SLC12A8: variants seen among roughly 807,000 people sequenced by gnomAD.
The protein encoded by SLC12A8 is solute carrier family 12 member 8.
In SLC12A8, 69 loss-of-function variants were observed where a neutral mutation model predicts 75.6. The observed-to-expected ratio is 0.91, with a 90% CI of 0.75 to 1.11. SLC12A8 has a LOEUF of 1.11. Ranked by LOEUF, SLC12A8 falls within the 50% of genes most tolerant of loss-of-function variation. The pLI is 0.00. For synonymous variants in SLC12A8, 365 were observed against 372.8 expected, an observed-to-expected ratio of 0.98 and a Z score of 0.24; for missense variants, 877 against 896.7, an observed-to-expected ratio of 0.98 and a Z score of 0.28.
At chr3:125,119,772 A>T (rs193274139) in intron 7 of SLC12A8, 76 of 436,324 alleles carry the variant, frequency 1.7e-4, no homozygotes, top group African/African-American at 1.3e-3. Flanking sequence ...ATACATTAAT[A>T]TTTTCTAAAT....
intron 5 of SLC12A8, among the ~76,000 whole-genome samples, chr3:125,142,986 C>T (rs10804569): frequency 0.31 from 47,540 of 152,102 alleles, 7,732 homozygotes; most frequent in Middle Eastern, 0.39. Context: ...TACCACAGTT[C>T]CATATGTTAA....
intron 5 of SLC12A8, among the ~76,000 whole-genome samples, chr3:125,173,452 C>CAAAAAAAAAAAAAAAAAAAAAAAAAA (rs61001520): frequency 1.3e-5 from 1 of 79,628 alleles, no homozygotes; most frequent in Non-Finnish European, 2.2e-5. Flanking sequence ...ATTCATGAGC[C>CAAAAAAAAAAAAAAAAAAAAAAAAAA]AAAAAAAAAA....
chr3:125,097,564 G>C (rs959564251), intron 10 of SLC12A8, among the ~76,000 whole-genome samples: 1 of 105,212 alleles, frequency 9.5e-6, no homozygotes, highest in Non-Finnish European at 2.3e-5. Flanking sequence ...GTGTGTGTGT[G>C]TGTGTGTGTG....
At chr3:125,140,889 C>T (rs928615945) in intron 5 of SLC12A8, among the ~76,000 whole-genome samples, 16 of 152,074 alleles carry the variant, frequency 1.1e-4, no homozygotes, top group Admixed American at 6.6e-4. Context: ...CTAGCCTCCC[C>T]AGGGATTTCC....
chr3:125,106,116 G>A (rs532389699), intron 10 of SLC12A8, among the ~76,000 whole-genome samples: 34 of 152,218 alleles, frequency 2.2e-4, no homozygotes, highest in African/African-American at 7.9e-4. Context: ...GTTCAAAGTG[G>A]GATTTTCTGG....
Position 125,092,165 on chromosome 3 carries a change from T to G in SLC12A8, c.1739A>C (p.Asp580Ala). The G allele has an allele frequency of 6.2e-7, 1 of 1,612,992 alleles. No individual in the cohort carries two copies. The highest frequency in any genetic ancestry group is 1.1e-5 in the South Asian group (1 of 91,050). Residue 580 changes from aspartate (D) to alanine (A), a missense_variant, in exon 11 of 14, where the codon GAT (aspartate) becomes GCT (alanine). By Grantham distance (126) the Asp-to-Ala change is moderately radical. Transcript: ENST00000469902. ...GAAAGAAGTGGATCTTCTCCAGACA[T>G]CTTGTTCTTGGAGCCTGGACTTCAG... ...FFLKSRLQEQ[D>A]VWRRSTSFYT...
intron 6 of SLC12A8, among the ~76,000 whole-genome samples, chr3:125,128,323 G>A (rs1321085314): frequency 6.9e-6 from 1 of 145,752 alleles, no homozygotes; most frequent in East Asian, 2.0e-4. Context: ...TGGGACTACA[G>A]GCGCCCGCCA....
intron 1 of SLC12A8, 66 bp from the exon 2 acceptor site, chr3:125,211,460 TTC>T: frequency 1.2e-6 from 1 of 868,608 alleles, no homozygotes; most frequent in Non-Finnish European, 2.0e-6. Context: ...TGTCCATCCT[TTC>T]TCTCTACTAG....
intron 10 of SLC12A8, among the ~76,000 whole-genome samples, chr3:125,094,786 G>A (rs1938672178): frequency 6.6e-6 from 1 of 152,160 alleles, no homozygotes; most frequent in Admixed American, 6.5e-5. Context: ...CCACTCTTAT[G>A]ATTGTATCTA....
chr3:125,134,268 ATT>A (rs60991413), intron 6 of SLC12A8, among the ~76,000 whole-genome samples: 2 of 151,448 alleles, frequency 1.3e-5, no homozygotes, highest in South Asian at 2.1e-4. Flanking sequence ...TGCCAGGCTA[ATT>A]TTTTTTTATA....
intron 13 of SLC12A8, among the ~76,000 whole-genome samples, chr3:125,084,951 T>C (rs1938422359): frequency 6.6e-6 from 1 of 152,242 alleles, no homozygotes. Context: ...ATTGTTTGAA[T>C]ATGGAATACA....
At chr3:125,097,906 C>A (rs2788465) in intron 10 of SLC12A8, among the ~76,000 whole-genome samples, 1 of 151,970 alleles carries the variant, frequency 6.6e-6, no homozygotes, top group Admixed American at 6.6e-5. Flanking sequence ...CTTTATCAAG[C>A]CTCTACTCAT....
intron 10 of SLC12A8, among the ~76,000 whole-genome samples, chr3:125,100,756 G>A (rs555324648): frequency 2.0e-5 from 3 of 147,558 alleles, no homozygotes; most frequent in Non-Finnish European, 4.5e-5. Context: ...GCTCACGCCT[G>A]TAATCCCAGC....
At chr3:125,120,107 G>C (rs1367757017) in intron 7 of SLC12A8, among the ~76,000 whole-genome samples, 1 of 152,190 alleles carries the variant, frequency 6.6e-6, no homozygotes, top group Non-Finnish European at 1.5e-5. Context: ...AGCACATACA[G>C]TGTCATTATC....
At chr3:125,118,958 A>G in intron 7 of SLC12A8, 102 bp from the exon 8 acceptor site, 1 of 766,546 alleles carries the variant, frequency 1.3e-6, no homozygotes, top group Non-Finnish European at 2.2e-6. Flanking sequence ...AACTTGTATC[A>G]GAATGAGAGA....
chr3:125,208,947 T>C (rs6778311), intron 2 of SLC12A8, among the ~76,000 whole-genome samples: 74,356 of 151,872 alleles, frequency 0.49, 19,277 homozygotes, highest in African/African-American at 0.64. Flanking sequence ...CTAATCACCG[T>C]GACCAAGAGA....
In SLC12A8 at chr3:125,211,290, T is replaced by C. The variant is rs1935332602; in HGVS notation, c.51+9A>G. 2 of 1,612,738 alleles carry C rather than the reference T, an allele frequency of 1.2e-6. No homozygotes were observed. The highest frequency in any genetic ancestry group is 1.1e-5 in the South Asian group (1 of 91,066). On this transcript the variant is annotated intron_variant, in intron 2 of 13. Transcript: ENST00000469902. ...CTCCATCACAGACCCTGGCACATCCTGAGCCTACCTGCTGGGCTGCCTCAT... is the reference window on the plus strand; with the variant it reads ...CTCCATCACAGACCCTGGCACATCCCGAGCCTACCTGCTGGGCTGCCTCAT...
chr3:125,200,753 G>A (rs999250921), intron 2 of SLC12A8, among the ~76,000 whole-genome samples: 2 of 152,006 alleles, frequency 1.3e-5, no homozygotes, highest in African/African-American at 2.4e-5. Context: ...TTTTTGCTTT[G>A]TGTTATTCTT....
At chr3:125,125,890 A>G (rs548586570) in intron 6 of SLC12A8, 1 of 977,346 alleles carries the variant, frequency 1.0e-6, no homozygotes, top group South Asian at 4.7e-5. Context: ...AAGAAGGCTG[A>G]GCTTATCAGT....
Sources: gnomAD v4.1 joint callset for allele counts (sites outside exome capture counted in the v4.1 genomes callset) on GRCh38, gnomAD v4.1.1 for gene constraint, MANE v1.5 for transcripts, NCBI Gene and HGNC (gene_info 2026-07-23, HGNC 2026-07-21) for gene names.